SLC13A3: variants seen among roughly 807,000 people sequenced by gnomAD.
The protein encoded by SLC13A3 is Na(+)/dicarboxylate cotransporter 3.
A neutral mutation model predicts 59.0 loss-of-function variants in SLC13A3; 40 were observed. That is an observed-to-expected ratio of 0.68 (90% CI 0.53 to 0.88). The LOEUF (loss-of-function observed/expected upper bound fraction) is 0.88. Ranked by LOEUF, SLC13A3 falls within the 40% of genes least tolerant of loss-of-function variation. The pLI, the probability that SLC13A3 is intolerant of heterozygous loss-of-function variation, is 0.00. For synonymous variants in SLC13A3, 317 were observed against 330.3 expected (o/e 0.96, Z 0.44); for missense variants, 699 against 783.2 (o/e 0.89, Z 1.28).
chr20:46,612,558 G>T (rs150351670), intron 2 of SLC13A3, among the ~76,000 whole-genome samples: 170 of 152,008 alleles, frequency 1.1e-3, no homozygotes, highest in African/African-American at 3.9e-3. Context: ...GCCGTTTGCG[G>T]TGTTAATAAA....
chr20:46,643,548 G>A (rs1368823210), intron 1 of SLC13A3, among the ~76,000 whole-genome samples: 2 of 152,156 alleles, frequency 1.3e-5, no homozygotes, highest in Non-Finnish European at 1.5e-5. Context: ...GGCATGAGAG[G>A]TGGAGTGGGG....
At chr20:46,669,705 G>A (rs1365757916) in intron 1 of SLC13A3, among the ~76,000 whole-genome samples, 1 of 152,134 alleles carries the variant, frequency 6.6e-6, no homozygotes, top group Non-Finnish European at 1.5e-5. Context: ...ACTACTATTT[G>A]TATAAATAAT....
intron 1 of SLC13A3, among the ~76,000 whole-genome samples, chr20:46,650,937 T>C (rs2062946018): frequency 6.6e-6 from 1 of 152,100 alleles, no homozygotes; most frequent in African/African-American, 2.4e-5. Context: ...CCTGTAGTTC[T>C]AGCCACTAGG....
At chr20:46,663,642 G>T (rs887095519) in intron 1 of SLC13A3, among the ~76,000 whole-genome samples, 14 of 152,146 alleles carry the variant, frequency 9.2e-5, no homozygotes, top group African/African-American at 3.4e-4. Flanking sequence ...AGCTTTACAT[G>T]ATTTAATTCA....
rs1039587995 is a variant in SLC13A3, at chr20:46,558,246, G to C, written c.*1776C>G. On this transcript the variant is annotated 3_prime_UTR_variant, in exon 13 of 13. Coordinates refer to ENST00000279027, the MANE Select transcript of SLC13A3 (RefSeq NM_022829.6). ...GGGAACCAGACATATACTTGGGAGA[G>C]AGTGTTCTAGGCAGAGGGAACAGCA... The C allele has an allele frequency of 6.6e-6, 1 of 152,218 alleles. No homozygotes were observed. Among genetic ancestry groups the C allele is most frequent in the African/African-American group, 2.4e-5 (1 of 41,444 alleles). The allele number at this position is 152,218 out of a possible 1,614,324, so 9.4% of individuals were successfully genotyped here.
At chr20:46,658,442 ATTATTAAATT>A (rs2063008242) in intron 1 of SLC13A3, among the ~76,000 whole-genome samples, 1 of 152,194 alleles carries the variant, frequency 6.6e-6, no homozygotes, top group Admixed American at 6.5e-5. Flanking sequence ...GTTGTATATA[ATTATTAAATT>A]CCATCAAACT....
intron 10 of SLC13A3, among the ~76,000 whole-genome samples, chr20:46,569,620 C>T (rs1343401190): frequency 3.9e-5 from 6 of 152,166 alleles, no homozygotes; most frequent in Non-Finnish European, 5.9e-5. Context: ...AGTGGCTGGG[C>T]GCTTGGTTAG....
rs144600005 is a variant in SLC13A3 at position 46,613,716 on chromosome 20, A to C, written c.121T>G (p.Cys41Gly). The C allele has an allele frequency of 1.1e-4, 174 of 1,599,386 alleles. 2 individuals carry two copies. The African/African-American group carries it at 1.8e-3, about 16-fold the overall frequency. ...VFALPPKEGR[C>G]LFVILLMAVY... ...GCCATGAGCAGGATGACAAACAAGC[A>C]GCGGCCTTCCTGCAGGAGGAGATGC... is the stretch of plus-strand genomic sequence containing the variant. Residue 41 changes from cysteine (C) to glycine (G), a missense_variant, in exon 2 of 13, where the codon TGC becomes GGC. By Grantham distance (159) the Cys-to-Gly change is radical (BLOSUM62 -3). Coordinates refer to ENST00000279027, the MANE Select transcript of SLC13A3 (RefSeq NM_022829.6).
At chr20:46,616,123 T>C (rs1270653848) in intron 1 of SLC13A3, among the ~76,000 whole-genome samples, 1 of 152,184 alleles carries the variant, frequency 6.6e-6, no homozygotes, top group Non-Finnish European at 1.5e-5. Context: ...TAAGTTTTGA[T>C]TTGTCATCAT....
At chr20:46,562,614 T>C (rs1210624055) in intron 12 of SLC13A3, among the ~76,000 whole-genome samples, 2 of 152,156 alleles carry the variant, frequency 1.3e-5, no homozygotes, top group Non-Finnish European at 1.5e-5. Context: ...TCTCCACCAA[T>C]AGAAAGCAGC....
intron 1 of SLC13A3, among the ~76,000 whole-genome samples, chr20:46,633,578 C>A (rs894313781): frequency 2.6e-5 from 4 of 151,858 alleles, no homozygotes; most frequent in African/African-American, 9.7e-5. Flanking sequence ...GCCTCTGGGG[C>A]AACTCTCCCT....
chr20:46,583,375 G>A lies in SLC13A3; in HGVS notation c.1219+197C>T, dbSNP rs1040117501. On this transcript the variant is annotated intron_variant, in intron 9 of 12. Coordinates refer to ENST00000279027, the MANE Select transcript of SLC13A3 (RefSeq NM_022829.6). ...GCAGGCTGGATTTGGTCTGAAGACT[G>A]TAGTTGCTAACCCCTGTCCTGGACT... 3.0e-6 allele frequency: 4 copies of A among 1,347,418 alleles called. No individual in the cohort carries two copies. In the African/African-American group the frequency reaches 4.4e-5, roughly 15 times the overall value. The allele number at this position is 1,347,418 out of a possible 1,614,324, so 83.5% of individuals were successfully genotyped here.
At chr20:46,656,862 C>T (rs1309625008) in intron 1 of SLC13A3, among the ~76,000 whole-genome samples, 1 of 152,008 alleles carries the variant, frequency 6.6e-6, no homozygotes, top group Non-Finnish European at 1.5e-5. Flanking sequence ...TTCCATGTCC[C>T]GGTTCACTGA....
chr20:46,613,088 A>C lies in SLC13A3; in HGVS notation c.377+372T>G, dbSNP rs539316409. 3.9e-5 allele frequency among the ~76,000 whole-genome samples: 6 copies of C among 152,178 alleles called. 1 individual carries two copies. The South Asian group carries it at 1.2e-3, about 32-fold the overall frequency. ...GCAGACAGAGGTTAAGTTATTTTTCAGAGCAGGTCACCTGGGATTCAGCCC... is the reference window on the plus strand; with the variant it reads ...GCAGACAGAGGTTAAGTTATTTTTCCGAGCAGGTCACCTGGGATTCAGCCC... On this transcript the variant is annotated intron_variant, in intron 2 of 12. Coordinates refer to ENST00000279027, the MANE Select transcript of SLC13A3 (RefSeq NM_022829.6).
upstream of SLC13A3, among the ~76,000 whole-genome samples, chr20:46,655,481 A>T (rs1362101898): frequency 6.7e-6 from 1 of 148,340 alleles, no homozygotes; most frequent in African/African-American, 2.5e-5. Context: ...ACATGTATAT[A>T]TATGTGTGTG....
At chr20:46,672,591 A>G (rs1044469781), upstream of SLC13A3, among the ~76,000 whole-genome samples, 1 of 152,134 alleles carries the variant, frequency 6.6e-6, no homozygotes, top group Non-Finnish European at 1.5e-5. Flanking sequence ...TTCCACTGGG[A>G]GGCAGGGCCT....
intron 8 of SLC13A3, chr20:46,585,657 A>C: frequency 7.8e-7 from 1 of 1,285,318 alleles, no homozygotes; most frequent in South Asian, 1.3e-5. Context: ...AAAGTCAGGA[A>C]AGATGTATAT....
chr20:46,591,225 C>A (rs2062253813), intron 6 of SLC13A3, among the ~76,000 whole-genome samples: 1 of 151,834 alleles, frequency 6.6e-6, no homozygotes. Flanking sequence ...TCACGGAGGC[C>A]AGTCACTAGA....
At chr20:46,648,968 T>C (rs984182860) in intron 1 of SLC13A3, among the ~76,000 whole-genome samples, 12 of 147,592 alleles carry the variant, frequency 8.1e-5, no homozygotes, top group Non-Finnish European at 9.0e-5. Context: ...CACACACACA[T>C]AAAGGAGTAC....
Sources: gnomAD v4.1 joint callset for allele counts (sites outside exome capture counted in the v4.1 genomes callset) on GRCh38, gnomAD v4.1.1 for gene constraint, MANE v1.5 for transcripts, NCBI Gene and HGNC (gene_info 2026-07-23, HGNC 2026-07-21) for gene names.